Variants in ARMC3 observed in about 807,000 individuals in gnomAD.
ARMC3 encodes the protein armadillo repeat containing 3, also known as armadillo repeat-containing protein 3.
Under a neutral mutation model 90.3 loss-of-function variants are expected in ARMC3, and 74 were observed. The ratio of observed to expected loss-of-function variants is 0.82; its 90% CI spans 0.68 to 0.99. The LOEUF (loss-of-function observed/expected upper bound fraction) is 0.99. Among genes scored for constraint, ARMC3 ranks in the 50% least tolerant of loss-of-function variants. ARMC3 has a pLI of 0.00. For synonymous variants in ARMC3, 334 were observed against 361.8 expected (o/e 0.92, Z 0.87); for missense variants, 958 against 1,042.8 (o/e 0.92, Z 1.12).
Position 22,950,016 on chromosome 10 carries a change from A to G in ARMC3, c.166+3755A>G, listed in dbSNP as rs149880876. Among the ~76,000 whole-genome samples the G allele has an allele frequency of 2.3e-3, 344 of 152,256 alleles. 4 individuals carry two copies. The highest frequency in any genetic ancestry group is 7.2e-3 in the African/African-American group (301 of 41,592). On this transcript the variant is annotated intron_variant, in intron 3 of 18. Coordinates refer to ENST00000298032, the MANE Select transcript of ARMC3 (RefSeq NM_173081.5). ...AATAAAAGAAAAATAAAAACTTTCAACACAGAATTACATATCCAGAAAAAA... is the reference window on the plus strand; with the variant it reads ...AATAAAAGAAAAATAAAAACTTTCAGCACAGAATTACATATCCAGAAAAAA...
rs571445548 is a variant in ARMC3 at position 22,980,390 on chromosome 10, G to A, written c.917-950G>A. ...TTATTTAGTAAGGAATTATTTGTAG[G>A]TTGTTTCATTTTATACCAGTCCCTG... On this transcript the variant is annotated intron_variant, in intron 8 of 18. Coordinates refer to ENST00000298032, the MANE Select transcript of ARMC3 (RefSeq NM_173081.5). Among the ~76,000 whole-genome samples, 320 of 152,060 alleles carry A rather than the reference G, an allele frequency of 2.1e-3. 1 individual carries two copies. The highest frequency in any genetic ancestry group is 3.3e-3 in the Non-Finnish European group (224 of 67,906).
At chr10:22,976,674 G>T (rs1835937088) in intron 8 of ARMC3, among the ~76,000 whole-genome samples, 1 of 152,024 alleles carries the variant, frequency 6.6e-6, no homozygotes, top group Non-Finnish European at 1.5e-5. Flanking sequence ...CTCCTTATTT[G>T]CTTATGAATC....
intron 4 of ARMC3, 55 bp downstream of exon 4, chr10:22,955,987 T>C: frequency 6.9e-7 from 1 of 1,443,480 alleles, no homozygotes; most frequent in Non-Finnish European, 9.4e-7. Flanking sequence ...GCATTATCAT[T>C]CTTTTAAATT....
chr10:22,957,583 A>G (rs1157497386), intron 4 of ARMC3, among the ~76,000 whole-genome samples: 4 of 152,174 alleles, frequency 2.6e-5, no homozygotes, highest in Admixed American at 6.5e-5. Context: ...ATACACTGAC[A>G]AGGGGCCAGG....
chr10:22,985,609 G>T (rs1009446662), intron 10 of ARMC3, among the ~76,000 whole-genome samples: 2 of 152,080 alleles, frequency 1.3e-5, no homozygotes, highest in Non-Finnish European at 2.9e-5. Context: ...CATAATTTTT[G>T]CTTCTCAGAG....
intron 3 of ARMC3, among the ~76,000 whole-genome samples, chr10:22,946,856 G>A (rs533853222): frequency 4.6e-5 from 7 of 152,262 alleles, no homozygotes; most frequent in African/African-American, 1.4e-4. Context: ...CCGCAGCTAG[G>A]TGATCAAAAT....
intron 3 of ARMC3, among the ~76,000 whole-genome samples, chr10:22,952,948 G>A (rs1834792841): frequency 6.6e-6 from 1 of 152,112 alleles, no homozygotes; most frequent in Non-Finnish European, 1.5e-5. Flanking sequence ...CAGAATCCCT[G>A]GAAGCTATGA....
In ARMC3 at chr10:22,968,331, C is replaced by T; in HGVS notation, c.758C>T (p.Ala253Val). 2 of 1,613,898 alleles carry T rather than the reference C, an allele frequency of 1.2e-6. No individual in the cohort carries two copies. Among genetic ancestry groups the T allele is most frequent in the Admixed American group, 1.7e-5 (1 of 60,004 alleles). ...TKELNDLHIE[A>V]LAVIANCLED... ...GAATTGAATGACCTTCATATAGAAGCACTTGCAGTGATAGCCAATTGCCTT... is the reference window on the plus strand; with the variant it reads ...GAATTGAATGACCTTCATATAGAAGTACTTGCAGTGATAGCCAATTGCCTT... Residue 253 changes from alanine (A) to valine (V), a missense_variant, in exon 8 of 19, where the codon GCA becomes GTA. Coordinates refer to ENST00000298032, the MANE Select transcript of ARMC3 (RefSeq NM_173081.5).
chr10:23,035,597 C>T (rs1839099159), intron 18 of ARMC3, among the ~76,000 whole-genome samples: 1 of 152,032 alleles, frequency 6.6e-6, no homozygotes, highest in Non-Finnish European at 1.5e-5. Flanking sequence ...TTTGGCTTTA[C>T]TTTCTTCCCT....
At chr10:22,971,530 T>C (rs1473964631) in intron 8 of ARMC3, among the ~76,000 whole-genome samples, 1 of 145,936 alleles carries the variant, frequency 6.9e-6, no homozygotes, top group Admixed American at 7.0e-5. Flanking sequence ...AACCTCCACC[T>C]CCTGGCTTCC....
intron 13 of ARMC3, among the ~76,000 whole-genome samples, chr10:23,005,816 A>G (rs1837578304): frequency 1.3e-5 from 2 of 152,020 alleles, no homozygotes; most frequent in Admixed American, 1.3e-4. Context: ...GTGAGCCGAG[A>G]TGGCACCATT....
At chr10:22,947,991 T>C (rs1461420079) in intron 3 of ARMC3, among the ~76,000 whole-genome samples, 1 of 152,180 alleles carries the variant, frequency 6.6e-6, no homozygotes, top group Non-Finnish European at 1.5e-5. Flanking sequence ...ATTGAGAGTT[T>C]AGTGTAACTA....
chr10:22,981,392 C>T lies in ARMC3; in HGVS notation c.969C>T (p.Ala323=), dbSNP rs142641204. The part of the protein sequence containing the change: ...HEQEVEKCLV[A]LLGSENDGTK... ...AAGAGGTTGAAAAGTGCCTTGTAGC[C>T]CTTTTGGGTTCTGAAAATGATGGAA... The change falls in exon 9 of 19, where the codon GCC becomes GCT. Residue 323 remains alanine, a synonymous_variant. Coordinates refer to ENST00000298032, the MANE Select transcript of ARMC3 (RefSeq NM_173081.5). 4.9e-5 allele frequency: 79 copies of T among 1,613,792 alleles called. 3 individuals are homozygous for T. The Middle Eastern group carries it at 8.2e-4, about 17-fold the overall frequency.
chr10:23,018,308 C>T (rs1838364806), intron 16 of ARMC3, among the ~76,000 whole-genome samples: 1 of 152,154 alleles, frequency 6.6e-6, no homozygotes, highest in Non-Finnish European at 1.5e-5. Context: ...TCCCAGCCCA[C>T]ACTGGAGTAA....
At chr10:22,951,087 G>A (rs1052966386) in intron 3 of ARMC3, among the ~76,000 whole-genome samples, 33 of 151,382 alleles carry the variant, frequency 2.2e-4, no homozygotes, top group Non-Finnish European at 3.4e-4. Context: ...ACAGGCGCCC[G>A]CCACTACACC....
At chr10:23,032,823 T>A in intron 17 of ARMC3, 38 bp from the exon 18 acceptor site, 1 of 1,582,968 alleles carries the variant, frequency 6.3e-7, no homozygotes, top group Non-Finnish European at 8.6e-7. Flanking sequence ...AGCGAGTTAT[T>A]AAAATTGACC....
chr10:23,029,341 C>A (rs932288856), intron 16 of ARMC3, among the ~76,000 whole-genome samples: 5 of 152,168 alleles, frequency 3.3e-5, no homozygotes, highest in African/African-American at 1.2e-4. Flanking sequence ...CTTCTCTGCT[C>A]TTCCTGCTGC....
chr10:23,005,032 T>C lies in ARMC3; in HGVS notation c.1731+1618T>C, dbSNP rs185019754. Among the ~76,000 whole-genome samples the C allele has an allele frequency of 1.1e-3, 172 of 151,374 alleles. 3 individuals are homozygous for C. The East Asian group carries it at 0.021, about 18-fold the overall frequency. ...ATCGAGACCATCCTGGCTAACACGG[T>C]GGAACCCCATCTCTACTAAATATAC... is the stretch of plus-strand genomic sequence containing the variant. On this transcript the variant is annotated intron_variant, in intron 13 of 18. Coordinates refer to ENST00000298032, the MANE Select transcript of ARMC3 (RefSeq NM_173081.5).
intron 16 of ARMC3, among the ~76,000 whole-genome samples, chr10:23,016,401 C>T (rs1014412053): frequency 6.6e-6 from 1 of 152,164 alleles, no homozygotes; most frequent in South Asian, 2.1e-4. Context: ...TATATGTTTA[C>T]CTGCTCTCCT....
Sources: allele counts gnomAD v4.1 joint callset (sites outside exome capture counted in the v4.1 genomes callset), GRCh38; gene constraint gnomAD v4.1.1; transcripts MANE v1.5; gene names NCBI Gene and HGNC (gene_info 2026-07-23, HGNC 2026-07-21).